MTOR: variants seen among roughly 807,000 people sequenced by gnomAD.
MTOR encodes the protein serine/threonine-protein kinase mTOR.
In MTOR, 70 loss-of-function variants were observed where a neutral mutation model predicts 319.8. The ratio of observed to expected loss-of-function variants is 0.22; its 90% CI spans 0.18 to 0.27. The LOEUF is 0.27. MTOR is among the 10% of genes least tolerant of loss of function. The pLI, the probability that MTOR is intolerant of heterozygous loss-of-function variation, is 1.00. For synonymous variants in MTOR, 1,183 were observed against 1,211.4 expected, an observed-to-expected ratio of 0.98 and a Z score of 0.49; for missense variants, 1,890 against 3,274.4, an observed-to-expected ratio of 0.58 and a Z score of 10.32.
At chr1:11,117,730 C>T (rs539169583) in intron 49 of MTOR, among the ~76,000 whole-genome samples, 6 of 152,018 alleles carry the variant, frequency 3.9e-5, no homozygotes, top group East Asian at 1.9e-4. Context: ...AGAAACAGGC[C>T]GAAAGAGCAA....
chr1:11,195,154 T>C (rs1645737359), intron 28 of MTOR: 1 of 1,045,604 alleles, frequency 9.6e-7, no homozygotes, highest in Admixed American at 2.9e-5. Flanking sequence ...AAAGAAAGAA[T>C]AAGTCTCCAA....
At chr1:11,256,363 A>G (rs1569844350) in intron 4 of MTOR, 171 bp from the exon 5 acceptor site, 2 of 967,944 alleles carry the variant, frequency 2.1e-6, no homozygotes, top group East Asian at 2.3e-4. Context: ...TTGATTAAAC[A>G]TCTCAGTGCT....
At chr1:11,236,758 A>G (rs1464896217) in intron 13 of MTOR, among the ~76,000 whole-genome samples, 1 of 151,206 alleles carries the variant, frequency 6.6e-6, no homozygotes, top group Non-Finnish European at 1.5e-5. Flanking sequence ...TGATCTGGCC[A>G]CCTCGGCCTC....
intron 28 of MTOR, among the ~76,000 whole-genome samples, chr1:11,197,028 C>T (rs1645809837): frequency 6.6e-6 from 1 of 151,960 alleles, no homozygotes; most frequent in Non-Finnish European, 1.5e-5. Context: ...AAAAATAAAA[C>T]AAAGCCTGTG....
intron 28 of MTOR, among the ~76,000 whole-genome samples, chr1:11,176,496 G>A (rs1571075910): frequency 6.6e-6 from 1 of 152,346 alleles, no homozygotes; most frequent in East Asian, 1.9e-4. Flanking sequence ...CCAAATGGCT[G>A]TGGACCTTCT....
At chr1:11,258,651 G>A (rs1403438345) in intron 2 of MTOR, 58 bp from the exon 3 acceptor site, 2 of 1,327,398 alleles carry the variant, frequency 1.5e-6, no homozygotes, top group Non-Finnish European at 2.1e-6. Flanking sequence ...GTGGTGGTGG[G>A]AGTGGGCTGG....
At chr1:11,235,676 A>AT (rs1391987737) in intron 13 of MTOR, among the ~76,000 whole-genome samples, 1 of 152,284 alleles carries the variant, frequency 6.6e-6, no homozygotes, top group East Asian at 1.9e-4. Flanking sequence ...TGATAGCTTA[A>AT]TATCAGCTTT....
intron 29 of MTOR, among the ~76,000 whole-genome samples, chr1:11,163,891 AAC>A (rs970494679): frequency 1.2e-4 from 18 of 152,322 alleles, no homozygotes; most frequent in Admixed American, 3.9e-4. Context: ...AGCAAGAGCA[AAC>A]ACATTCAAAA....
At position 11,109,617 on chromosome 1, in the gene MTOR, C is replaced by A; in HGVS notation, c.7447+32G>T. 4 of 1,596,214 alleles carry A rather than the reference C, an allele frequency of 2.5e-6. No homozygotes were observed. The South Asian group carries it at 4.4e-5, about 18-fold the overall frequency. On this transcript the variant is annotated intron_variant, in intron 55 of 57. Coordinates refer to ENST00000361445, the MANE Select transcript of MTOR (RefSeq NM_004958.4). This position sits in a 1 kb window ranked among gnomAD's most constrained non-coding sequence, Gnocchi z 4.0. ...GCTGCTATTTTCTTAATGAGCTAGT[C>A]ACTGGTGCGGTTCCTCAGAGGCTGA...
rs1308189503 is a variant in MTOR, at chr1:11,121,436, C to G, written c.6811-68G>C. 1 of 1,596,940 alleles carries G rather than the reference C, an allele frequency of 6.3e-7. No individual in the cohort carries two copies. The highest frequency in any genetic ancestry group is 8.5e-7 in the Non-Finnish European group (1 of 1,171,818). On this transcript the variant is annotated intron_variant, in intron 48 of 57. Transcript: ENST00000361445. The surrounding 1 kb of genome is among the most constrained non-coding windows in gnomAD (Gnocchi z 4.9). ...CATGTAGTTTGGGTCCAGGAAGAAA[C>G]AAGGCTTGGGGTCCAGGCAGAGCTG...
chr1:11,112,512 A>G (rs1381644821), intron 54 of MTOR, among the ~76,000 whole-genome samples: 2 of 152,222 alleles, frequency 1.3e-5, no homozygotes, highest in South Asian at 4.1e-4. Context: ...AGCTAGCAGT[A>G]ATAGCACCTT....
rs573787720 is a variant in MTOR at position 11,206,904 on chromosome 1, G to A, written c.3802-2201C>T. Reference sequence around the variant, plus strand: ...GAAAATTCTGGAAGGCATTCTAGAAGTATACATAAATGGTTTTTATGTTTT... The same window carrying A: ...GAAAATTCTGGAAGGCATTCTAGAAATATACATAAATGGTTTTTATGTTTT... On this transcript the variant is annotated intron_variant, in intron 25 of 57. Transcript: ENST00000361445. Among the ~76,000 whole-genome samples, 4 of 152,314 alleles carry A rather than the reference G, an allele frequency of 2.6e-5. No individual in the cohort carries two copies. The East Asian group carries it at 7.7e-4, about 29-fold the overall frequency.
rs1642529604 is a variant in MTOR at position 11,121,593 on chromosome 1, T to TCA, written c.6811-227_6811-226dup. Among the ~76,000 whole-genome samples the TCA allele has an allele frequency of 6.6e-6, 1 of 152,202 alleles. No individual in the cohort carries two copies. Among genetic ancestry groups the TCA allele is most frequent in the Admixed American group, 6.5e-5 (1 of 15,280 alleles). On this transcript the variant is annotated intron_variant, in intron 48 of 57. Transcript: ENST00000361445. This position sits in a 1 kb window ranked among gnomAD's most constrained non-coding sequence, Gnocchi z 4.9. ...TAAGGGAAAAACACGAGACTTCACC[T>TCA]CAGTTATAGGCCTTCTGTGCAGATG...
At chr1:11,175,863 T>C (rs72871484) in intron 28 of MTOR, among the ~76,000 whole-genome samples, 14,719 of 151,880 alleles carry the variant, frequency 0.097, 1,204 homozygotes, top group African/African-American at 0.2. Context: ...CATGCCTCAG[T>C]CTCTCCAGTA....
At chr1:11,113,815 C>G (rs1444451485) in intron 53 of MTOR, among the ~76,000 whole-genome samples, 1 of 152,120 alleles carries the variant, frequency 6.6e-6, no homozygotes, top group African/African-American at 2.4e-5. Flanking sequence ...AAAATCTCAT[C>G]TTGAACTGCA....
At chr1:11,231,509 T>C (rs1647014873) in intron 16 of MTOR, 75 bp from the exon 17 acceptor site, 24 of 1,545,714 alleles carry the variant, frequency 1.6e-5, no homozygotes, top group Non-Finnish European at 2.1e-5. Flanking sequence ...CTTTGTATAA[T>C]GATTATAATG....
At chr1:11,175,627 AG>A (rs1392505305) in intron 28 of MTOR, among the ~76,000 whole-genome samples, 1 of 152,238 alleles carries the variant, frequency 6.6e-6, no homozygotes, top group East Asian at 1.9e-4. Context: ...CGGGTGGTTC[AG>A]CTGTGCAGAC....
chr1:11,238,763 CTTCTT>C, intron 11 of MTOR, 146 bp from the exon 12 acceptor site: 1 of 607,506 alleles, frequency 1.6e-6, no homozygotes, highest in Non-Finnish European at 2.7e-6. Context: ...ACCCGGAACT[CTTCTT>C]TTTTTTTTTT....
chr1:11,232,386 C>T (rs1319567930), intron 16 of MTOR, 50 bp downstream of exon 16: 31 of 1,434,010 alleles, frequency 2.2e-5, no homozygotes, highest in Non-Finnish European at 2.9e-5. Flanking sequence ...AAGCAAAGTC[C>T]CTGGACTCAT....
Sources: gnomAD v4.1 joint callset for allele counts (sites outside exome capture counted in the v4.1 genomes callset) on GRCh38, gnomAD v4.1.1 for gene constraint, Gnocchi (gnomAD v3.1) non-coding constraint, MANE v1.5 for transcripts, NCBI Gene and HGNC (gene_info 2026-07-23, HGNC 2026-07-21) for gene names.